NFASC: variants seen among roughly 807,000 people sequenced by gnomAD.
NFASC encodes neurofascin.
NFASC carries 43 observed loss-of-function variants against 147.5 expected under a neutral mutation model. The ratio of observed to expected loss-of-function variants is 0.29; its 90% CI spans 0.23 to 0.38. The LOEUF is 0.38. Among genes scored for constraint, NFASC ranks in the 10% least tolerant of loss-of-function variants. The pLI, the probability that NFASC is intolerant of heterozygous loss-of-function variation, is 1.00. For synonymous variants in NFASC, 622 were observed against 665.5 expected (o/e 0.93, Z 1.01); for missense variants, 1,320 against 1,689.0 (o/e 0.78, Z 3.83).
chr1:204,859,844 CAA>C (rs2076509307), intron 1 of NFASC, among the ~76,000 whole-genome samples: 1 of 152,162 alleles, frequency 6.6e-6, no homozygotes. Context: ...TCCTCATGCA[CAA>C]AGATTAGGAA....
At chr1:204,951,911 G>T in intron 4 of NFASC, 100 bp from the exon 5 acceptor site, 2 of 882,042 alleles carry the variant, frequency 2.3e-6, no homozygotes, top group Non-Finnish European at 3.6e-6. Flanking sequence ...TTGCCTGCTT[G>T]CATGTGTGGC....
intron 10 of NFASC, among the ~76,000 whole-genome samples, chr1:204,969,665 G>T (rs1195969189): frequency 6.6e-6 from 1 of 152,168 alleles, no homozygotes; most frequent in Non-Finnish European, 1.5e-5. Flanking sequence ...AGACTTTGAG[G>T]GGTAGGGGGT....
intron 12 of NFASC, among the ~76,000 whole-genome samples, 177 bp from the exon 13 acceptor site, chr1:204,974,002 C>G (rs1043649147): frequency 2.0e-5 from 3 of 152,154 alleles, no homozygotes; most frequent in African/African-American, 7.2e-5. Flanking sequence ...ACGTAGTAAG[C>G]TTCTCCTTCC....
chr1:204,963,159 G>A (rs1270323834), intron 8 of NFASC, among the ~76,000 whole-genome samples: 1 of 152,170 alleles, frequency 6.6e-6, no homozygotes, highest in Non-Finnish European at 1.5e-5. Flanking sequence ...ATGGGATGAG[G>A]GAGCGCGAGC....
At chr1:204,920,447 T>TTTTTC (rs1553254801) in intron 1 of NFASC, among the ~76,000 whole-genome samples, 185 bp from the exon 2 acceptor site, 2 of 140,862 alleles carry the variant, frequency 1.4e-5, no homozygotes, top group African/African-American at 2.6e-5. Context: ...TTTTTTTTTT[T>TTTTTC]CTTCCAGAGT....
intron 1 of NFASC, among the ~76,000 whole-genome samples, chr1:204,888,471 G>C (rs2081754998): frequency 6.6e-6 from 1 of 152,144 alleles, no homozygotes; most frequent in Non-Finnish European, 1.5e-5. Context: ...AAGCAGATTG[G>C]TCATTTCAAA....
chr1:205,007,142 A>G (rs2096132938), intron 27 of NFASC, among the ~76,000 whole-genome samples: 2 of 151,252 alleles, frequency 1.3e-5, no homozygotes, highest in South Asian at 4.2e-4. Flanking sequence ...AAGTGTGGCA[A>G]GTTCCTCAAG....
intron 3 of NFASC, among the ~76,000 whole-genome samples, chr1:204,945,846 G>A (rs938237189): frequency 6.6e-6 from 1 of 152,198 alleles, no homozygotes; most frequent in African/African-American, 2.4e-5. Flanking sequence ...GGGAGGGTGT[G>A]CAGAGGAAAT....
chr1:204,850,529 G>A (rs1238662056), intron 1 of NFASC, among the ~76,000 whole-genome samples: 1 of 152,212 alleles, frequency 6.6e-6, no homozygotes. Flanking sequence ...GGAGGGGCCT[G>A]GTGGGAGGTG....
Position 204,979,651 on chromosome 1 carries a change from GT to G in NFASC, c.2176+94del. 1.6e-6 allele frequency: 2 copies of G among 1,221,502 alleles called. No homozygotes were observed. Among genetic ancestry groups the G allele is most frequent in the Non-Finnish European group, 2.4e-6 (2 of 827,650 alleles). 75.7% of individuals were successfully genotyped at this position (1,221,502 alleles called of 1,614,324 possible). ...CCCATTCCCAGCCATGTGAACTTAG[GT>G]TACTTAACTTCTCCAAGGCCCGGCC... On this transcript the variant is annotated intron_variant, in intron 19 of 29. Coordinates refer to ENST00000339876, the MANE Select transcript of NFASC (RefSeq NM_001005388.3). The surrounding 1 kb of genome is among the most constrained non-coding windows in gnomAD (Gnocchi z 6.0).
At chr1:205,001,080 C>A in intron 25 of NFASC, 90 bp from the exon 26 acceptor site, 1 of 762,900 alleles carries the variant, frequency 1.3e-6, no homozygotes, top group Non-Finnish European at 2.3e-6. Flanking sequence ...CATGTGCGTG[C>A]ATGCACACGC....
intron 1 of NFASC, among the ~76,000 whole-genome samples, chr1:204,866,907 G>A (rs557238744): frequency 6.6e-6 from 1 of 152,296 alleles, no homozygotes; most frequent in South Asian, 2.1e-4. Flanking sequence ...TGGTTAGTGC[G>A]TGGACATGAA....
intron 10 of NFASC, 114 bp downstream of exon 10, chr1:204,969,096 T>A: frequency 2.2e-6 from 2 of 920,314 alleles, no homozygotes; most frequent in Non-Finnish European, 3.3e-6. Flanking sequence ...TCCAGCCCAC[T>A]GCTCAGTGGC....
chr1:204,910,310 G>C (rs928041543), intron 1 of NFASC, among the ~76,000 whole-genome samples: 1 of 152,004 alleles, frequency 6.6e-6, no homozygotes, highest in Non-Finnish European at 1.5e-5. Flanking sequence ...TTCATTCTAT[G>C]CCTATTTTTA....
intron 1 of NFASC, among the ~76,000 whole-genome samples, chr1:204,858,066 C>T (rs2076325857): frequency 6.6e-6 from 1 of 151,802 alleles, no homozygotes; most frequent in African/African-American, 2.4e-5. Context: ...ATTACAGGCG[C>T]CTGCCGTAAC....
chr1:204,877,327 G>T (rs559703902), intron 1 of NFASC, among the ~76,000 whole-genome samples: 1 of 151,700 alleles, frequency 6.6e-6, no homozygotes, highest in African/African-American at 2.4e-5. Context: ...AGGCACAGAG[G>T]CATCCTATAC....
intron 1 of NFASC, among the ~76,000 whole-genome samples, chr1:204,907,243 A>G (rs999899067): frequency 2.0e-5 from 3 of 152,206 alleles, no homozygotes; most frequent in African/African-American, 7.2e-5. Flanking sequence ...TTTGTTTGCC[A>G]TACATATATC....
intron 1 of NFASC, among the ~76,000 whole-genome samples, chr1:204,850,709 A>C (rs1243290332): frequency 6.6e-6 from 1 of 152,190 alleles, no homozygotes; most frequent in African/African-American, 2.4e-5. Context: ...CATGACTGTA[A>C]GTTTCCTGAG....
At chr1:204,976,532 A>G in intron 15 of NFASC, 139 bp from the exon 16 acceptor site, 1 of 657,136 alleles carries the variant, frequency 1.5e-6, no homozygotes, top group Non-Finnish European at 2.7e-6. Flanking sequence ...CTGTCAAAGC[A>G]TTGAGAGGGA....
Sources: gnomAD v4.1 joint callset for allele counts (sites outside exome capture counted in the v4.1 genomes callset) on GRCh38, gnomAD v4.1.1 for gene constraint, Gnocchi (gnomAD v3.1) non-coding constraint, MANE v1.5 for transcripts, NCBI Gene and HGNC (gene_info 2026-07-23, HGNC 2026-07-21) for gene names.